DLG2: variants seen among roughly 807,000 people sequenced by gnomAD.
DLG2 encodes disks large homolog 2.
In DLG2, 45 loss-of-function variants were observed where a neutral mutation model predicts 132.5. The observed-to-expected ratio is 0.34, with a 90% CI of 0.27 to 0.44. The LOEUF (loss-of-function observed/expected upper bound fraction) is 0.44, where lower values mean the gene tolerates loss of function less well. Ranked by LOEUF, DLG2 falls within the 20% of genes least tolerant of loss-of-function variation. The pLI is 1.00. For synonymous variants in DLG2, 424 were observed against 419.6 expected (o/e 1.01, Z -0.13); for missense variants, 1,045 against 1,196.9 (o/e 0.87, Z 1.87).
intron 6 of DLG2, among the ~76,000 whole-genome samples, chr11:84,677,436 A>C (rs1373378238): frequency 6.6e-6 from 1 of 152,098 alleles, no homozygotes; most frequent in African/African-American, 2.4e-5. Context: ...TAGGAAAAAA[A>C]CCATATTTCT....
chr11:85,500,079 G>C (rs2093761694), intron 3 of DLG2, among the ~76,000 whole-genome samples: 1 of 152,102 alleles, frequency 6.6e-6, no homozygotes, highest in South Asian at 2.1e-4. Flanking sequence ...TCAACACAGT[G>C]TTGGAATTCT....
chr11:83,606,193 T>A (rs1419533302), intron 19 of DLG2, among the ~76,000 whole-genome samples: 3 of 152,158 alleles, frequency 2.0e-5, no homozygotes, highest in Non-Finnish European at 4.4e-5. Flanking sequence ...AACCAGAGGT[T>A]AAAAGGTAGT....
intron 5 of DLG2, among the ~76,000 whole-genome samples, chr11:85,140,966 C>G (rs1444272260): frequency 6.6e-6 from 1 of 151,750 alleles, no homozygotes; most frequent in Non-Finnish European, 1.5e-5. Context: ...TTTTCTTTAC[C>G]CATTCATCAG....
At chr11:84,072,045 C>G (rs1337774194) in intron 10 of DLG2, among the ~76,000 whole-genome samples, 1 of 152,230 alleles carries the variant, frequency 6.6e-6, no homozygotes, top group African/African-American at 2.4e-5. Flanking sequence ...ACTGAGCTGT[C>G]TCTGCTGAAG....
At chr11:83,924,867 G>A (rs1239005772) in intron 15 of DLG2, among the ~76,000 whole-genome samples, 1 of 152,094 alleles carries the variant, frequency 6.6e-6, no homozygotes, top group Non-Finnish European at 1.5e-5. Flanking sequence ...ACAGTTAGAA[G>A]TTAGACCTAT....
At chr11:83,949,493 G>A (rs1005359726) in intron 14 of DLG2, among the ~76,000 whole-genome samples, 1 of 151,998 alleles carries the variant, frequency 6.6e-6, no homozygotes, top group Non-Finnish European at 1.5e-5. Context: ...ATTTCCACAT[G>A]GTATCTCTAT....
chr11:84,388,955 G>T (rs1279591518), intron 7 of DLG2, among the ~76,000 whole-genome samples: 2 of 152,158 alleles, frequency 1.3e-5, no homozygotes, highest in Non-Finnish European at 1.5e-5. Flanking sequence ...CTTAGAGATT[G>T]AGTTTGCTTT....
At chr11:83,572,373 G>A (rs925089596) in intron 19 of DLG2, among the ~76,000 whole-genome samples, 2 of 152,140 alleles carry the variant, frequency 1.3e-5, no homozygotes, top group Non-Finnish European at 2.9e-5. Flanking sequence ...GACATAATCT[G>A]ACCAGCTGTG....
chr11:84,717,220 A>G (rs1267607109), intron 6 of DLG2, among the ~76,000 whole-genome samples: 1 of 152,078 alleles, frequency 6.6e-6, no homozygotes. Context: ...GGAAATAAAT[A>G]TTCATCCTAA....
At chr11:84,815,406 A>G (rs2076988969) in intron 6 of DLG2, among the ~76,000 whole-genome samples, 1 of 152,050 alleles carries the variant, frequency 6.6e-6, no homozygotes, top group Non-Finnish European at 1.5e-5. Flanking sequence ...TATCTGGCTT[A>G]CATAATTACA....
intron 3 of DLG2, among the ~76,000 whole-genome samples, chr11:85,396,793 T>C (rs931181522): frequency 2.6e-5 from 4 of 152,138 alleles, no homozygotes; most frequent in Non-Finnish European, 5.9e-5. Flanking sequence ...AGACCAAATA[T>C]ATGTTTGATT....
At chr11:85,513,775 A>T (rs2094123130) in intron 3 of DLG2, among the ~76,000 whole-genome samples, 2 of 151,992 alleles carry the variant, frequency 1.3e-5, no homozygotes, top group Admixed American at 6.6e-5. Context: ...TCAAAAAAAT[A>T]ACAACACCTA....
At chr11:84,837,099 G>C (rs1418826231) in intron 6 of DLG2, among the ~76,000 whole-genome samples, 1 of 151,758 alleles carries the variant, frequency 6.6e-6, no homozygotes, top group Non-Finnish European at 1.5e-5. Flanking sequence ...CTATGAGTGA[G>C]AACATATAAC....
chr11:85,567,163 C>A (rs546257977), intron 3 of DLG2, among the ~76,000 whole-genome samples: 4 of 152,266 alleles, frequency 2.6e-5, no homozygotes, highest in Non-Finnish European at 5.9e-5. Context: ...GAGACGCCCT[C>A]ATAATTTTGT....
At chr11:84,229,797 G>A (rs763538140) in intron 8 of DLG2, among the ~76,000 whole-genome samples, 1 of 152,126 alleles carries the variant, frequency 6.6e-6, no homozygotes, top group African/African-American at 2.4e-5. Context: ...ATCAAATGAG[G>A]ATAAGATCAA....
chr11:83,598,180 G>A (rs141520061), intron 19 of DLG2, among the ~76,000 whole-genome samples: 124 of 152,208 alleles, frequency 8.1e-4, no homozygotes, highest in African/African-American at 2.7e-3. Flanking sequence ...CTGCATTTCC[G>A]AGAAGGGAAA....
At chr11:85,204,261 G>C (rs780062198) in intron 4 of DLG2, among the ~76,000 whole-genome samples, 8 of 152,116 alleles carry the variant, frequency 5.3e-5, no homozygotes, top group Non-Finnish European at 8.8e-5. Context: ...CTTGTTTGCA[G>C]AAGACATGAT....
intron 7 of DLG2, among the ~76,000 whole-genome samples, chr11:84,429,706 C>A (rs147205321): frequency 1.1e-3 from 160 of 152,280 alleles, no homozygotes; most frequent in African/African-American, 3.7e-3. Flanking sequence ...ATAAAACATG[C>A]AGATTATCTG....
At chr11:84,066,777 TA>T (rs1324630706) in intron 10 of DLG2, among the ~76,000 whole-genome samples, 1 of 151,552 alleles carries the variant, frequency 6.6e-6, no homozygotes, top group Non-Finnish European at 1.5e-5. Flanking sequence ...AGAAAAAAAG[TA>T]AAAAAAGGTA....
Sources: allele counts gnomAD v4.1 joint callset (sites outside exome capture counted in the v4.1 genomes callset), GRCh38; gene constraint gnomAD v4.1.1; transcripts MANE v1.5; gene names NCBI Gene and HGNC (gene_info 2026-07-23, HGNC 2026-07-21).